Variants in ASMTL observed in about 807,000 individuals in gnomAD.
ASMTL encodes probable bifunctional dTTP/UTP pyrophosphatase/methyltransferase protein.
In ASMTL, 57 loss-of-function variants were observed where a neutral mutation model predicts 60.3. The observed-to-expected ratio is 0.95, with a 90% CI of 0.76 to 1.18. The LOEUF is 1.18. ASMTL is among the 50% of genes most tolerant of loss of function. ASMTL has a pLI of 0.00. For synonymous variants in ASMTL, 419 were observed against 373.0 expected (o/e 1.12, Z -1.42); for missense variants, 981 against 852.6 (o/e 1.15, Z -1.88).
intron 6 of ASMTL, 148 bp from the exon 7 acceptor site, chrX:1,428,269 T>TCCA: frequency 1.1e-6 from 1 of 883,434 alleles, no homozygotes; most frequent in Non-Finnish European, 1.5e-6. Context: ...CTGTCTCTAC[T>TCCA]AAAAAAAATA....
chrX:1,452,997 T>C (rs1369390189), upstream of ASMTL: 1 of 569,822 alleles, frequency 1.8e-6, no homozygotes, highest in Non-Finnish European at 2.9e-6. Context: ...GCGCCTTCAG[T>C]GGCCTCCCCG....
At chrX:1,416,342 G>A (rs1424783290) in intron 11 of ASMTL, among the ~76,000 whole-genome samples, 12 of 5,726 alleles carry the variant, frequency 2.1e-3, no homozygotes, top group African/African-American at 2.8e-3. Flanking sequence ...CGGACATACA[G>A]ATACAGTGAC....
At chrX:1,449,824 C>T in intron 1 of ASMTL, among the ~76,000 whole-genome samples, 1 of 147,376 alleles carries the variant, frequency 6.8e-6, no homozygotes, top group Admixed American at 6.7e-5. Context: ...CAGTAACTAT[C>T]CTCCCATCAC....
At chrX:1,438,637 C>T (rs1367702756) in intron 3 of ASMTL, among the ~76,000 whole-genome samples, 13 of 152,266 alleles carry the variant, frequency 8.5e-5, no homozygotes, top group African/African-American at 2.4e-4. Context: ...CTCAGCCTCC[C>T]GAGTAGCTGC....
At chrX:1,404,510 ATAG>A (rs1353144335) in intron 12 of ASMTL, among the ~76,000 whole-genome samples, 4 of 149,680 alleles carry the variant, frequency 2.7e-5, no homozygotes, top group African/African-American at 5.0e-5. Flanking sequence ...GGGTGAATAG[ATAG>A]TAGATGATGG....
chrX:1,422,346 G>A (rs775563929), intron 8 of ASMTL, among the ~76,000 whole-genome samples: 1 of 152,322 alleles, frequency 6.6e-6, no homozygotes, highest in East Asian at 1.9e-4. Context: ...TCCACTTGAA[G>A]ATGGCAGCAG....
At chrX:1,439,374 G>A (rs1451848587) in intron 2 of ASMTL, among the ~76,000 whole-genome samples, 1 of 152,210 alleles carries the variant, frequency 6.6e-6, no homozygotes, top group Non-Finnish European at 1.5e-5. Context: ...GGGGCTGCGT[G>A]ATCAGGGGTC....
intron 1 of ASMTL, among the ~76,000 whole-genome samples, chrX:1,451,509 G>C (rs1293128920): frequency 2.7e-5 from 4 of 147,098 alleles, no homozygotes; most frequent in Non-Finnish European, 4.5e-5. Context: ...GGGGATCCCG[G>C]CTTACTCTCC....
intron 9 of ASMTL, among the ~76,000 whole-genome samples, chrX:1,420,007 GTC>G (rs1238546518): frequency 2.0e-4 from 28 of 143,316 alleles, no homozygotes; most frequent in African/African-American, 6.5e-4. Context: ...TCTGTCTCCT[GTC>G]TCTGTTTCTT....
intron 8 of ASMTL, among the ~76,000 whole-genome samples, chrX:1,425,308 G>A (rs1160829948): frequency 1.3e-5 from 2 of 152,212 alleles, no homozygotes; most frequent in Non-Finnish European, 2.9e-5. Context: ...GAGCCCATAA[G>A]GAGGTCACGC....
intron 6 of ASMTL, among the ~76,000 whole-genome samples, chrX:1,431,467 T>C (rs1252666407): frequency 7.4e-6 from 1 of 135,956 alleles, no homozygotes; most frequent in Non-Finnish European, 1.5e-5. Flanking sequence ...TAATAGATGG[T>C]ATATATTACA....
At chrX:1,429,119 T>A (rs2090700883) in intron 6 of ASMTL, among the ~76,000 whole-genome samples, 1 of 151,806 alleles carries the variant, frequency 6.6e-6, no homozygotes, top group Admixed American at 6.6e-5. Flanking sequence ...GGTCTCGAAC[T>A]CCTGACCTCA....
rs749097063 is a variant in ASMTL at position 1,421,817 on chromosome X, G to A, written c.1086C>T (p.Asn362=). The A allele has an allele frequency of 2.1e-5, 34 of 1,613,726 alleles. No individual in the cohort carries two copies. Among genetic ancestry groups the A allele is most frequent in the Middle Eastern group, 3.3e-4 (2 of 6,078 alleles). ...ATTCGCCATCCGATGCCAGGTAGACGTTCGCTGTCTCTGTGTTACTGTAAC... is the reference window on the plus strand; with the variant it reads ...ATTCGCCATCCGATGCCAGGTAGACATTCGCTGTCTCTGTGTTACTGTAAC... ...EQGYSNTETA[N]VYLASDGEYS... is the part of the protein sequence containing the mutation. Residue 362 remains asparagine (N), a synonymous_variant, in exon 9 of 13, where the codon AAC becomes AAT. Transcript: ENST00000381317.
chrX:1,421,910 T>G, intron 8 of ASMTL, 68 bp from the exon 9 acceptor site: 2 of 1,444,940 alleles, frequency 1.4e-6, no homozygotes, highest in Non-Finnish European at 1.9e-6. Context: ...CCGTAGGGGA[T>G]GTATCATTGA....
chrX:1,433,622 G>C (rs1368864233), intron 5 of ASMTL, among the ~76,000 whole-genome samples: 2 of 151,838 alleles, frequency 1.3e-5, no homozygotes, highest in Non-Finnish European at 2.9e-5. Context: ...GGAGCTTGCA[G>C]TGAGCCGAGA....
chrX:1,406,116 GTAGATGGATGTA>G (rs2089826345), intron 12 of ASMTL, among the ~76,000 whole-genome samples: 2 of 147,456 alleles, frequency 1.4e-5, no homozygotes, highest in Admixed American at 6.7e-5. Context: ...AGGTAGGTAG[GTAGATGGATGTA>G]TAGATGGATG....
chrX:1,415,504 T>A (rs762165867), intron 11 of ASMTL, among the ~76,000 whole-genome samples: 1 of 151,730 alleles, frequency 6.6e-6, no homozygotes. Context: ...TCGCTCTTGT[T>A]GCCCAGGCTG....
upstream of ASMTL, among the ~76,000 whole-genome samples, chrX:1,453,390 C>A (rs775869137): frequency 6.6e-6 from 1 of 151,700 alleles, no homozygotes; most frequent in Admixed American, 6.6e-5. Context: ...TGAAGCACCG[C>A]CCCCAGCTCC....
At chrX:1,433,417 G>A (rs1168537661) in intron 5 of ASMTL, among the ~76,000 whole-genome samples, 2 of 147,948 alleles carry the variant, frequency 1.4e-5, no homozygotes, top group African/African-American at 2.5e-5. Context: ...TGTCATCCCA[G>A]CACTTTGGGA....
Sources: gnomAD v4.1 joint callset for allele counts (sites outside exome capture counted in the v4.1 genomes callset) on GRCh38, gnomAD v4.1.1 for gene constraint, MANE v1.5 for transcripts, NCBI Gene and HGNC (gene_info 2026-07-23, HGNC 2026-07-21) for gene names.